Variants in RPTOR observed in about 807,000 individuals in gnomAD.
The protein encoded by RPTOR is regulatory associated protein of MTOR complex 1.
RPTOR carries 21 observed loss-of-function variants against 169.9 expected under a neutral mutation model. That is an observed-to-expected ratio of 0.12 (90% CI 0.09 to 0.18). The LOEUF (loss-of-function observed/expected upper bound fraction) is 0.18, where lower values mean the gene tolerates loss of function less well. Among genes scored for constraint, RPTOR ranks in the 10% least tolerant of loss-of-function variants. The probability of loss-of-function intolerance (pLI) is 1.00; values close to 1 mark genes in which losing one functional copy is unlikely to be tolerated. For synonymous variants in RPTOR, 732 were observed against 753.2 expected, an observed-to-expected ratio of 0.97 and a Z score of 0.46; for missense variants, 1,133 against 1,855.9, an observed-to-expected ratio of 0.61 and a Z score of 7.16.
At chr17:80,685,623 ATATAT>A (rs1255562126) in intron 3 of RPTOR, among the ~76,000 whole-genome samples, 87 of 26,588 alleles carry the variant, frequency 3.3e-3, no homozygotes, top group African/African-American at 0.013. Context: ...ATATATATAT[ATATAT>A]TTTTTTTTTT....
chr17:80,851,202 T>C (rs1243474212), intron 11 of RPTOR, among the ~76,000 whole-genome samples: 1 of 152,202 alleles, frequency 6.6e-6, no homozygotes, highest in Non-Finnish European at 1.5e-5. Flanking sequence ...GTGTTTGCAT[T>C]ACAGTATTGA....
At chr17:80,848,019 C>T (rs2067752029) in intron 11 of RPTOR, among the ~76,000 whole-genome samples, 2 of 152,244 alleles carry the variant, frequency 1.3e-5, no homozygotes, top group South Asian at 4.1e-4. Context: ...ACTGAGGCTT[C>T]ACCTCGTTCA....
At chr17:80,645,816 G>A (rs781547608) in intron 3 of RPTOR, among the ~76,000 whole-genome samples, 18 of 152,074 alleles carry the variant, frequency 1.2e-4, no homozygotes, top group Non-Finnish European at 2.4e-4. Context: ...CTCAGTACAG[G>A]ATGGAGGATT....
chr17:80,748,040 CGTGGCGGG>C (rs2066593563), intron 5 of RPTOR, among the ~76,000 whole-genome samples: 1 of 119,892 alleles, frequency 8.3e-6, no homozygotes, highest in African/African-American at 4.5e-5. Context: ...GTTTAGAGGC[CGTGGCGGG>C]AGGACCTGTT....
In RPTOR at chr17:80,960,037, G is replaced by C. The variant is rs4436840; in HGVS notation, c.3478-41G>C. 1.2e-6 allele frequency: 2 copies of C among 1,606,936 alleles called. No homozygotes were observed. The highest frequency in any genetic ancestry group is 3.3e-5 in the Admixed American group (2 of 59,910). ...TGCAGGACAGCAGGGAGGGTGGCTC[G>C]GTGCCCCGGTCTTCACCGGGCTGCC... is the stretch of plus-strand genomic sequence containing the variant. On this transcript the variant is annotated intron_variant, in intron 29 of 33. Coordinates refer to ENST00000306801, the MANE Select transcript of RPTOR (RefSeq NM_020761.3). This position sits in a 1 kb window ranked among gnomAD's most constrained non-coding sequence, Gnocchi z 4.8.
chr17:80,660,060 C>T (rs1424824104), intron 3 of RPTOR, among the ~76,000 whole-genome samples: 1 of 152,060 alleles, frequency 6.6e-6, no homozygotes, highest in Non-Finnish European at 1.5e-5. Flanking sequence ...CATCTGAGGT[C>T]AGGAGTTCGA....
intron 1 of RPTOR, among the ~76,000 whole-genome samples, chr17:80,564,751 G>A (rs1003440587): frequency 2.0e-5 from 3 of 151,250 alleles, no homozygotes; most frequent in Middle Eastern, 3.2e-3. Context: ...TCCTCCCACC[G>A]TCTACCCTCA....
intron 10 of RPTOR, 56 bp from the exon 11 acceptor site, chr17:80,846,417 G>A (rs142178121): frequency 4.1e-4 from 634 of 1,557,572 alleles, no homozygotes; most frequent in Non-Finnish European, 5.3e-4. Context: ...GGGTGGGCAA[G>A]ACCAGGCCAT....
At chr17:80,961,778 T>C (rs2069345722) in intron 31 of RPTOR, 1 of 371,372 alleles carries the variant, frequency 2.7e-6, no homozygotes, top group South Asian at 5.0e-5. Context: ...CGGGCAGGGG[T>C]GGCAGGGTGG....
chr17:80,652,024 G>A (rs925821728), intron 3 of RPTOR, among the ~76,000 whole-genome samples: 5 of 142,424 alleles, frequency 3.5e-5, no homozygotes, highest in African/African-American at 1.4e-4. Context: ...AAAAAAATTA[G>A]CTGGGCGTGG....
At chr17:80,565,403 A>C (rs2084568748) in intron 1 of RPTOR, among the ~76,000 whole-genome samples, 1 of 152,218 alleles carries the variant, frequency 6.6e-6, no homozygotes, top group Non-Finnish European at 1.5e-5. Context: ...TGGTGGTCAC[A>C]CACCATGGGG....
rs1435312117 is a variant in RPTOR at position 80,585,495 on chromosome 17, C to T, written c.162+39704C>T. ...CTGGGATTACAGGCGTGAGCCACCG[C>T]GGCTGGCCGGTTTATTATTTTTTCC... is the stretch of plus-strand genomic sequence containing the variant. On this transcript the variant is annotated intron_variant, in intron 1 of 33. Transcript: ENST00000306801. Among the ~76,000 whole-genome samples the T allele has an allele frequency of 2.7e-5, 4 of 149,726 alleles. No homozygotes were observed. In the East Asian group the frequency reaches 6.0e-4, roughly 22 times the overall value.
chr17:80,613,633 T>C (rs1464912740), intron 1 of RPTOR, among the ~76,000 whole-genome samples: 1 of 149,712 alleles, frequency 6.7e-6, no homozygotes, highest in Non-Finnish European at 1.5e-5. Flanking sequence ...TCTCTATGGT[T>C]GAATGAAGTG....
chr17:80,964,203 G>T, intron 33 of RPTOR, 59 bp from the exon 34 acceptor site: 4 of 511,990 alleles, frequency 7.8e-6, no homozygotes, highest in South Asian at 2.2e-5. Context: ...GCGCCCCCCC[G>T]CCCCCCGCAG....
intron 7 of RPTOR, among the ~76,000 whole-genome samples, chr17:80,795,383 G>A (rs1598308939): frequency 2.6e-5 from 4 of 152,080 alleles, no homozygotes; most frequent in African/African-American, 9.7e-5. Flanking sequence ...CGATGTTAGC[G>A]TTTGCAGCCA....
intron 9 of RPTOR, 137 bp from the exon 10 acceptor site, chr17:80,837,785 G>GC (rs2067580999): frequency 5.2e-6 from 4 of 773,476 alleles, no homozygotes; most frequent in South Asian, 1.5e-5. Context: ...CCGTAAACAT[G>GC]CCCCCCACCA....
chr17:80,854,293 A>G (rs1674607762), intron 11 of RPTOR, among the ~76,000 whole-genome samples: 1 of 152,216 alleles, frequency 6.6e-6, no homozygotes, highest in South Asian at 2.1e-4. Flanking sequence ...AATTTAATGA[A>G]ACCCTTGTGG....
At chr17:80,852,657 A>G (rs1598353742) in intron 11 of RPTOR, among the ~76,000 whole-genome samples, 1 of 151,668 alleles carries the variant, frequency 6.6e-6, no homozygotes, top group African/African-American at 2.4e-5. Context: ...TCCATACCCC[A>G]TCTGCCCCTC....
chr17:80,722,790 G>A (rs972236737), intron 4 of RPTOR, among the ~76,000 whole-genome samples: 10 of 151,256 alleles, frequency 6.6e-5, no homozygotes, highest in Non-Finnish European at 1.2e-4. Context: ...TCAAATCTAG[G>A]AAACATATGT....
Sources: gnomAD v4.1 joint callset for allele counts (sites outside exome capture counted in the v4.1 genomes callset) on GRCh38, gnomAD v4.1.1 for gene constraint, Gnocchi (gnomAD v3.1) non-coding constraint, MANE v1.5 for transcripts, NCBI Gene and HGNC (gene_info 2026-07-23, HGNC 2026-07-21) for gene names.